NRP1: variants seen among roughly 807,000 people sequenced by gnomAD.
The protein encoded by NRP1 is neuropilin 1, also known as neuropilin-1.
Under a neutral mutation model 106.7 loss-of-function variants are expected in NRP1, and 35 were observed. The ratio of observed to expected loss-of-function variants is 0.33; its 90% CI spans 0.25 to 0.43. The LOEUF (loss-of-function observed/expected upper bound fraction) is 0.43. NRP1 is among the 20% of genes least tolerant of loss of function. NRP1 has a pLI of 1.00. For synonymous variants in NRP1, 437 were observed against 417.9 expected (o/e 1.05, Z -0.56); for missense variants, 1,024 against 1,170.4 (o/e 0.87, Z 1.83).
Position 33,327,640 on chromosome 10 carries a change from A to G in NRP1, c.248+3068T>C, listed in dbSNP as rs192479969. On this transcript the variant is annotated intron_variant, in intron 2 of 16. Coordinates refer to ENST00000374867, the MANE Select transcript of NRP1 (RefSeq NM_003873.7). ...TGAAGTCTATGAATTTGTTCTTCAAATAATTTCTGGTGTTCCCAGGTTTTT... is the reference window on the plus strand; with the variant it reads ...TGAAGTCTATGAATTTGTTCTTCAAGTAATTTCTGGTGTTCCCAGGTTTTT... 6.9e-3 allele frequency among the ~76,000 whole-genome samples: 1,052 copies of G among 152,056 alleles called. 13 individuals are homozygous for G. Among genetic ancestry groups the G allele is most frequent in the Admixed American group, 0.013 (199 of 15,252 alleles).
intron 6 of NRP1, among the ~76,000 whole-genome samples, chr10:33,246,960 A>C (rs1841474332): frequency 6.6e-6 from 1 of 152,198 alleles, no homozygotes; most frequent in Non-Finnish European, 1.5e-5. Context: ...TTTGGTGAAA[A>C]AAATCAAAAA....
rs115210189 is a variant in NRP1, at chr10:33,245,659, C to T, written c.981+8369G>A. On this transcript the variant is annotated intron_variant, in intron 6 of 16. Coordinates refer to ENST00000374867, the MANE Select transcript of NRP1 (RefSeq NM_003873.7). ...GAGTAGGAGCAGGGATGCTAAGATT[C>T]TAGTCCAGGTTCTGTCATTAACTTC... Among the ~76,000 whole-genome samples, 1,094 of 152,320 alleles carry T rather than the reference C, an allele frequency of 7.2e-3. 12 individuals carry two copies. Among genetic ancestry groups the T allele is most frequent in the African/African-American group, 0.025 (1,037 of 41,570 alleles).
intron 15 of NRP1, among the ~76,000 whole-genome samples, chr10:33,183,067 G>A (rs80118821): frequency 0.013 from 2,022 of 152,170 alleles, 18 homozygotes; most frequent in Non-Finnish European, 0.023. Flanking sequence ...ATGCTGGCTC[G>A]TGCCTATAAT....
chr10:33,334,251 G>A (rs1564499846), intron 1 of NRP1, 59 bp downstream of exon 1: 3 of 1,478,772 alleles, frequency 2.0e-6, no homozygotes, highest in Non-Finnish European at 1.8e-6. Context: ...GCCCCGGTCC[G>A]GGGCGGGCAG....
intron 1 of NRP1, among the ~76,000 whole-genome samples, chr10:33,332,287 T>C (rs1302914461): frequency 6.6e-6 from 1 of 152,228 alleles, no homozygotes; most frequent in African/African-American, 2.4e-5. Context: ...AGAAATGATG[T>C]TGCAACTGGA....
chr10:33,289,629 C>T (rs1009881016), intron 2 of NRP1, among the ~76,000 whole-genome samples: 3 of 152,178 alleles, frequency 2.0e-5, no homozygotes, highest in Non-Finnish European at 4.4e-5. Flanking sequence ...CATCAAGTCT[C>T]AATCCAACTG....
intron 8 of NRP1, among the ~76,000 whole-genome samples, chr10:33,216,125 C>CTTCT (rs1357393342): frequency 9.3e-5 from 14 of 149,834 alleles, no homozygotes; most frequent in African/African-American, 2.2e-4. Flanking sequence ...CTGCATTTCC[C>CTTCT]TTCTTTCTTT....
intron 2 of NRP1, among the ~76,000 whole-genome samples, chr10:33,298,493 T>C (rs1433638681): frequency 6.6e-6 from 1 of 152,148 alleles, no homozygotes; most frequent in East Asian, 1.9e-4. Flanking sequence ...CTCCAACTGC[T>C]TTTCACTTAC....
At chr10:33,260,677 AT>A (rs1409970276) in intron 4 of NRP1, among the ~76,000 whole-genome samples, 5 of 152,220 alleles carry the variant, frequency 3.3e-5, no homozygotes, top group Non-Finnish European at 7.3e-5. Context: ...TTGTGAATCC[AT>A]ACAGCTTCAA....
intron 2 of NRP1, among the ~76,000 whole-genome samples, chr10:33,294,258 C>G (rs1290019810): frequency 6.6e-6 from 1 of 152,174 alleles, no homozygotes; most frequent in Non-Finnish European, 1.5e-5. Flanking sequence ...TGGCATTTAG[C>G]TTCCTGCAAA....
intron 2 of NRP1, among the ~76,000 whole-genome samples, chr10:33,290,097 T>C (rs1041849702): frequency 7.2e-5 from 11 of 152,318 alleles, no homozygotes; most frequent in African/African-American, 2.6e-4. Context: ...CTAACTTCCA[T>C]TGAAATGGAA....
intron 5 of NRP1, among the ~76,000 whole-genome samples, chr10:33,254,804 C>T (rs1218981916): frequency 6.6e-6 from 1 of 152,190 alleles, no homozygotes; most frequent in South Asian, 2.1e-4. Flanking sequence ...TGCACTGTCA[C>T]ACGGCCCCAA....
At chr10:33,224,378 T>A (rs141127602) in intron 7 of NRP1, among the ~76,000 whole-genome samples, 1 of 152,246 alleles carries the variant, frequency 6.6e-6, no homozygotes, top group East Asian at 1.9e-4. Context: ...AGAAAACATG[T>A]TGGTGAAATA....
intron 6 of NRP1, among the ~76,000 whole-genome samples, chr10:33,235,948 C>A (rs1169948334): frequency 6.6e-6 from 1 of 152,130 alleles, no homozygotes; most frequent in African/African-American, 2.4e-5. Context: ...ACCTTGGAAA[C>A]CTTTAACAGC....
At chr10:33,321,348 GC>G (rs372605168) in intron 2 of NRP1, among the ~76,000 whole-genome samples, 6 of 152,190 alleles carry the variant, frequency 3.9e-5, no homozygotes, top group African/African-American at 1.4e-4. Flanking sequence ...ACAAACAAAT[GC>G]CCACTTTTTC....
Position 33,179,340 on chromosome 10 carries a change from T to C in NRP1, c.*736A>G, listed in dbSNP as rs568609927. On this transcript the variant is annotated 3_prime_UTR_variant, in exon 17 of 17. Transcript: ENST00000374867. ...AAACAAAAAGGCACTTGAGAGGACATAGACTAGCCAGTGCCAAGGATTTGT... is the reference window on the plus strand; with the variant it reads ...AAACAAAAAGGCACTTGAGAGGACACAGACTAGCCAGTGCCAAGGATTTGT... 4 of 152,732 alleles carry C rather than the reference T, an allele frequency of 2.6e-5. No homozygotes were observed. In the East Asian group the frequency reaches 5.8e-4, roughly 22 times the overall value. The allele number at this position is 152,732 out of a possible 1,614,324, so 9.5% of individuals were successfully genotyped here.
At chr10:33,327,972 A>G (rs1185801379) in intron 2 of NRP1, among the ~76,000 whole-genome samples, 1 of 152,210 alleles carries the variant, frequency 6.6e-6, no homozygotes, top group African/African-American at 2.4e-5. Flanking sequence ...GGCTAAATAT[A>G]ACAGCCTTTC....
intron 4 of NRP1, among the ~76,000 whole-genome samples, chr10:33,262,060 C>CAATG (rs1842611951): frequency 6.6e-6 from 1 of 152,174 alleles, no homozygotes. Context: ...TCTTCATGTA[C>CAATG]AATGTATTTA....
At chr10:33,219,621 T>C (rs115390631) in intron 8 of NRP1, among the ~76,000 whole-genome samples, 2,006 of 152,346 alleles carry the variant, frequency 0.013, 48 homozygotes, top group African/African-American at 0.046. Context: ...TTTTAAAAAT[T>C]GAACAAATTA....
Sources: gnomAD v4.1 joint callset for allele counts (sites outside exome capture counted in the v4.1 genomes callset) on GRCh38, gnomAD v4.1.1 for gene constraint, MANE v1.5 for transcripts, NCBI Gene and HGNC (gene_info 2026-07-23, HGNC 2026-07-21) for gene names.